Variants in COL5A3 observed in about 807,000 individuals in gnomAD.
COL5A3 encodes collagen type V alpha 3 chain.
COL5A3 carries 172 observed loss-of-function variants against 250.0 expected under a neutral mutation model. That is an observed-to-expected ratio of 0.69 (90% CI 0.61 to 0.78). The LOEUF (loss-of-function observed/expected upper bound fraction) is 0.78. Ranked by LOEUF, COL5A3 falls within the 30% of genes least tolerant of loss-of-function variation. COL5A3 has a pLI of 0.00. For synonymous variants in COL5A3, 937 were observed against 900.4 expected, an observed-to-expected ratio of 1.04 and a Z score of -0.73; for missense variants, 2,340 against 2,334.4, an observed-to-expected ratio of 1.00 and a Z score of -0.05.
In COL5A3 at chr19:9,971,240, CG is replaced by C; in HGVS notation, c.3792del (p.Gly1265GlufsTer3). 6.4e-7 allele frequency: 1 copy of C among 1,562,588 alleles called. No individual in the cohort carries two copies. The highest frequency in any genetic ancestry group is 8.6e-7 in the Non-Finnish European group (1 of 1,163,102). Reference sequence around the variant, plus strand: ...GGGTCTCCTGGGGGCCCTAGATCTCCGGGCAGCCCCGTGGGGCCCTGGAACA... The same window carrying C: ...GGGTCTCCTGGGGGCCCTAGATCTCCGGCAGCCCCGTGGGGCCCTGGAACA... The part of the protein sequence containing the change: ...AKGSVGPTGL[P>X]GDLGPPGDPG... On this transcript the variant is annotated frameshift_variant, in exon 52 of 67. Coordinates refer to ENST00000264828, the MANE Select transcript of COL5A3 (RefSeq NM_015719.4). LOFTEE classifies it high-confidence loss of function.
Position 9,960,535 on chromosome 19 carries a change from G to A in COL5A3, c.5114C>T (p.Thr1705Ile). The change falls in exon 67 of 67, where the codon ACC becomes ATC. Residue 1705 changes from threonine to isoleucine, a missense_variant. By Grantham distance (89) the Thr-to-Ile change is moderately conservative (BLOSUM62 -1). This residue lies in a region of COL5A3 where 1,179 missense variants were observed against 1,162.6 expected (regional missense o/e 1.01). Coordinates refer to ENST00000264828, the MANE Select transcript of COL5A3 (RefSeq NM_015719.4). ...TCGAGAAGAGCTGAATTCGAAAAGG[G>A]TCTTCGTCTGTCCTTTCCGGAGCTG... Reference protein sequence around the residue: ...GCRLRKGQTKTLFEFSSSRAG... With the variant: ...GCRLRKGQTKILFEFSSSRAG... 1.9e-6 allele frequency: 3 copies of A among 1,614,148 alleles called. No homozygotes were observed. Among genetic ancestry groups the A allele is most frequent in the Non-Finnish European group, 1.7e-6 (2 of 1,180,028 alleles).
Position 9,993,785 on chromosome 19 carries a change from C to T in COL5A3, c.1609G>A (p.Ala537Thr), listed in dbSNP as rs918725322. 1.2e-6 allele frequency: 2 copies of T among 1,614,074 alleles called. No homozygotes were observed. Among genetic ancestry groups the T allele is most frequent in the African/African-American group, 1.3e-5 (1 of 74,924 alleles). ...CCAGTGTCCCCTGGGAGGCCCCGAG[C>T]TCCATCTGCTCCAGGGCGGCCCTAT... ...GKMGRPGADGARGLPGDTGPK... is the reference protein window; with the variant it reads ...GKMGRPGADGTRGLPGDTGPK... The change falls in exon 17 of 67, where the codon GCT becomes ACT. Residue 537 changes from alanine to threonine, a missense_variant. Transcript: ENST00000264828.
At chr19:9,981,047 C>T (rs1300049800) in intron 33 of COL5A3, 41 bp downstream of exon 33, 6 of 1,605,940 alleles carry the variant, frequency 3.7e-6, no homozygotes, top group Non-Finnish European at 5.1e-6. Context: ...AGCCCTGTCC[C>T]CAAGTCCCAG....
Position 9,960,900 on chromosome 19 carries a change from G to A in COL5A3, c.4852-10C>T. On this transcript the variant is annotated splice_polypyrimidine_tract_variant and intron_variant, in intron 65 of 66. Coordinates refer to ENST00000264828, the MANE Select transcript of COL5A3 (RefSeq NM_015719.4). The stretch of plus-strand genomic sequence containing the variant: ...CGTCCACGTAGGAGAACTGGTGAGA[G>A]GAGGGCAAGGCAGAGGATGAGGGGC... 1 of 1,601,076 alleles carries A rather than the reference G, an allele frequency of 6.2e-7. No individual in the cohort carries two copies. Among genetic ancestry groups the A allele is most frequent in the Non-Finnish European group, 8.5e-7 (1 of 1,179,862 alleles).
At chr19:9,977,947 C>CATACATATATATATAT (rs1555736344) in intron 41 of COL5A3, among the ~76,000 whole-genome samples, 1 of 106,140 alleles carries the variant, frequency 9.4e-6, no homozygotes, top group Admixed American at 1.1e-4. Flanking sequence ...GCAGCCTATA[C>CATACATATATATATAT]ATATATATAT....
rs1465686481 is a variant in COL5A3, at chr19:9,960,855, A to G, written c.4887T>C (p.Asn1629=). Residue 1629 remains asparagine, a synonymous_variant, in exon 66 of 67, where the codon AAT becomes AAC. Coordinates refer to ENST00000264828, the MANE Select transcript of COL5A3 (RefSeq NM_015719.4). ...SYVDADGSPV[N]VVQLNFLKLL... ...GTTTCAGGAAGTTCAGCTGCACGACATTCACTGGGGACCCGTCGGCGTCCA... is the reference window on the plus strand; with the variant it reads ...GTTTCAGGAAGTTCAGCTGCACGACGTTCACTGGGGACCCGTCGGCGTCCA... The G allele has an allele frequency of 4.3e-6, 7 of 1,610,578 alleles. No homozygotes were observed. The East Asian group carries it at 1.3e-4, about 31-fold the overall frequency.
At position 10,006,196 on chromosome 19, in the gene COL5A3, C is replaced by T. The variant is rs2087441335; in HGVS notation, c.124G>A (p.Gly42Arg). 1.2e-6 allele frequency: 2 copies of T among 1,605,288 alleles called. No homozygotes were observed. The highest frequency in any genetic ancestry group is 8.5e-7 in the Non-Finnish European group (1 of 1,176,420). ...VDVLKALGVQ[G>R]GQAGVPEGPG... is the part of the protein sequence containing the mutation. Reference sequence around the variant, plus strand: ...CCCTCGGGGACCCCAGCCTGGCCTCCCTGCACACCCAGGGCCTTCAGGACA... The same window carrying T: ...CCCTCGGGGACCCCAGCCTGGCCTCTCTGCACACCCAGGGCCTTCAGGACA... Residue 42 changes from glycine to arginine, a missense_variant, in exon 2 of 67, where the codon GGA becomes AGA. By Grantham distance (125) the Gly-to-Arg change is moderately radical (BLOSUM62 -2). Transcript: ENST00000264828.
chr19:9,996,398 G>A (rs1336398183), intron 13 of COL5A3, 35 bp downstream of exon 13: 22 of 1,608,218 alleles, frequency 1.4e-5, no homozygotes, highest in Non-Finnish European at 1.8e-5. Context: ...TCACTCTCTG[G>A]GGTTCCTCCC....
At chr19:9,969,755 C>A in intron 55 of COL5A3, 73 bp from the exon 56 acceptor site, 1 of 1,574,910 alleles carries the variant, frequency 6.3e-7, no homozygotes, top group Non-Finnish European at 8.7e-7. Flanking sequence ...CAAGAAGCAT[C>A]TGGGATCGGG....
Position 9,996,670 on chromosome 19 carries a change from C to G in COL5A3, c.1283G>C (p.Gly428Ala). The change falls in exon 12 of 67, where the codon GGA becomes GCA. Residue 428 changes from glycine (G) to alanine (A), a missense_variant. Physicochemically the swap from Gly to Ala is moderately conservative, Grantham distance 60. Coordinates refer to ENST00000264828, the MANE Select transcript of COL5A3 (RefSeq NM_015719.4). ...PGPPGPAGLP[G>A]IPGIDGIRGP... Reference sequence around the variant, plus strand: ...TCGGATCCCATCAATGCCGGGGATTCCTGGGAGGCCAGCAGGGCCCTGAGA... The same window carrying G: ...TCGGATCCCATCAATGCCGGGGATTGCTGGGAGGCCAGCAGGGCCCTGAGA... 1 of 1,606,928 alleles carries G rather than the reference C, an allele frequency of 6.2e-7. No individual in the cohort carries two copies. Among genetic ancestry groups the G allele is most frequent in the South Asian group, 1.1e-5 (1 of 89,898 alleles).
chr19:9,993,338 A>G, intron 19 of COL5A3, 42 bp downstream of exon 19: 1 of 1,604,724 alleles, frequency 6.2e-7, no homozygotes, highest in East Asian at 2.2e-5. Context: ...AGGCTTCCAA[A>G]CTTACTTTCC....
intron 45 of COL5A3, among the ~76,000 whole-genome samples, chr19:9,974,705 G>A (rs2145079994): frequency 6.6e-6 from 1 of 152,188 alleles, no homozygotes; most frequent in South Asian, 2.1e-4. Context: ...TTGGGCCCAG[G>A]GTCATATTCA....
chr19:9,974,442 C>G (rs1254599451), intron 45 of COL5A3, 34 bp from the exon 46 acceptor site: 1 of 1,514,752 alleles, frequency 6.6e-7, no homozygotes, highest in African/African-American at 1.4e-5. Context: ...CATTTAAGGT[C>G]TGGGTCAGTG....
chr19:9,967,813 A>G, intron 61 of COL5A3, 91 bp downstream of exon 61: 1 of 1,312,894 alleles, frequency 7.6e-7, no homozygotes, highest in Non-Finnish European at 1.1e-6. Flanking sequence ...GAATAAATAA[A>G]TAAATGAAGG....
intron 33 of COL5A3, 102 bp from the exon 34 acceptor site, chr19:9,980,961 T>G: frequency 6.7e-7 from 1 of 1,500,270 alleles, no homozygotes; most frequent in Non-Finnish European, 9.2e-7. Flanking sequence ...CTCCCTCTCC[T>G]GCCCGACCAG....
At chr19:9,963,176 G>A (rs2086694726) in intron 64 of COL5A3, among the ~76,000 whole-genome samples, 1 of 152,098 alleles carries the variant, frequency 6.6e-6, no homozygotes, top group Non-Finnish European at 1.5e-5. Context: ...GGGCTCCCCA[G>A]TGGGATTGAG....
At position 9,976,563 on chromosome 19, in the gene COL5A3, G is replaced by A. The variant is rs752175069; in HGVS notation, c.3337C>T (p.Pro1113Ser). The change falls in exon 45 of 67, where the codon CCC (proline) becomes TCC (serine). Residue 1113 changes from proline to serine, a missense_variant. By Grantham distance (74) the Pro-to-Ser change is moderately conservative. This residue lies in a region of COL5A3 where 1,179 missense variants were observed against 1,162.6 expected (regional missense o/e 1.01). Transcript: ENST00000264828. The part of the protein sequence containing the change: ...GIRGPAGHPG[P>S]PGADGAQGRR... ...GAAAAGATGGGGGCACTCACCGGGG[G>A]ACCTGGGTGTCCTGCAGGACCCCGT... 2 of 1,568,784 alleles carry A rather than the reference G, an allele frequency of 1.3e-6. No individual in the cohort carries two copies. The highest frequency in any genetic ancestry group is 1.7e-6 in the Non-Finnish European group (2 of 1,164,486).
chr19:9,960,123 G>A lies in COL5A3; in HGVS notation c.*288C>T, dbSNP rs2086650480. 6 of 464,202 alleles carry A rather than the reference G, an allele frequency of 1.3e-5. 1 individual carries two copies. The East Asian group carries it at 2.4e-4, about 19-fold the overall frequency. 28.8% of individuals were successfully genotyped at this position (464,202 alleles called of 1,614,324 possible). ...CTCTGAGTTAGAAGCTCATTGCATG[G>A]GGGTTCAAGGGGTGGGGAGGTGAGG... is the stretch of plus-strand genomic sequence containing the variant. On this transcript the variant is annotated 3_prime_UTR_variant, in exon 67 of 67. Coordinates refer to ENST00000264828, the MANE Select transcript of COL5A3 (RefSeq NM_015719.4).
chr19:9,992,985 T>C (rs757739741), intron 20 of COL5A3, 38 bp downstream of exon 20: 3 of 1,611,918 alleles, frequency 1.9e-6, no homozygotes, highest in East Asian at 2.2e-5. Flanking sequence ...CTCCCTCCCC[T>C]GCACCAAGCA....
Sources: allele counts gnomAD v4.1 joint callset (sites outside exome capture counted in the v4.1 genomes callset), GRCh38; gene constraint gnomAD v4.1.1; regional missense constraint gnomAD v4.1.1; transcripts MANE v1.5; gene names NCBI Gene and HGNC (gene_info 2026-07-23, HGNC 2026-07-21).